Variants in ZFPM2 observed in about 807,000 individuals in gnomAD.
ZFPM2 encodes zinc finger protein, FOG family member 2.
Under a neutral mutation model 98.6 loss-of-function variants are expected in ZFPM2, and 20 were observed. That is an observed-to-expected ratio of 0.20 (90% CI 0.14 to 0.29). ZFPM2 has a LOEUF of 0.29. Ranked by LOEUF, ZFPM2 falls within the 10% of genes least tolerant of loss-of-function variation. The probability of loss-of-function intolerance (pLI) is 1.00; values close to 1 mark genes in which losing one functional copy is unlikely to be tolerated. For synonymous variants in ZFPM2, 518 were observed against 502.7 expected (o/e 1.03, Z -0.41); for missense variants, 1,310 against 1,388.6 (o/e 0.94, Z 0.90).
At chr8:105,541,635 C>T (rs1814576904) in intron 3 of ZFPM2, among the ~76,000 whole-genome samples, 1 of 152,124 alleles carries the variant, frequency 6.6e-6, no homozygotes, top group Non-Finnish European at 1.5e-5. Flanking sequence ...CATACCTACA[C>T]CAGCTAAATA....
At chr8:105,435,576 G>A (rs563347036) in intron 2 of ZFPM2, among the ~76,000 whole-genome samples, 153 of 151,846 alleles carry the variant, frequency 1.0e-3, no homozygotes, top group Non-Finnish European at 2.0e-3. Context: ...CAAACTTGTC[G>A]TTATTATCTT....
At chr8:105,500,894 G>A (rs1419698970) in intron 3 of ZFPM2, among the ~76,000 whole-genome samples, 1 of 152,030 alleles carries the variant, frequency 6.6e-6, no homozygotes, top group Non-Finnish European at 1.5e-5. Flanking sequence ...GACCATAAAG[G>A]TTATTGAAAT....
At chr8:105,457,881 C>A (rs996867036) in intron 3 of ZFPM2, among the ~76,000 whole-genome samples, 1 of 152,152 alleles carries the variant, frequency 6.6e-6, no homozygotes, top group African/African-American at 2.4e-5. Flanking sequence ...CAGTTTCCTG[C>A]AGGCAGAGAA....
chr8:105,401,122 T>A (rs560131861), intron 1 of ZFPM2, among the ~76,000 whole-genome samples: 1 of 152,162 alleles, frequency 6.6e-6, no homozygotes, highest in Admixed American at 6.5e-5. Context: ...TCTCATTAAG[T>A]TTTGTGATTT....
intron 5 of ZFPM2, among the ~76,000 whole-genome samples, chr8:105,775,187 C>T (rs1813073607): frequency 6.6e-6 from 1 of 151,280 alleles, no homozygotes; most frequent in South Asian, 2.1e-4. Context: ...CATCAGGATA[C>T]CGCAATGGAT....
At position 105,634,230 on chromosome 8, in the gene ZFPM2, A is replaced by T; in HGVS notation, c.421-16A>T. 1 of 1,598,138 alleles carries T rather than the reference A, an allele frequency of 6.3e-7. No homozygotes were observed. Among genetic ancestry groups the T allele is most frequent in the Non-Finnish European group, 8.6e-7 (1 of 1,169,218 alleles). Reference sequence around the variant, plus strand: ...CGGAAGCAAATGGCATCTGTTTGTTATCATTCTTTCTACAGAAGACAAAGG... The same window carrying T: ...CGGAAGCAAATGGCATCTGTTTGTTTTCATTCTTTCTACAGAAGACAAAGG... On this transcript the variant is annotated splice_polypyrimidine_tract_variant and intron_variant, in intron 4 of 7. Coordinates refer to ENST00000407775, the MANE Select transcript of ZFPM2 (RefSeq NM_012082.4).
chr8:105,484,385 T>C (rs1196307199), intron 3 of ZFPM2, among the ~76,000 whole-genome samples: 1 of 152,068 alleles, frequency 6.6e-6, no homozygotes, highest in Admixed American at 6.5e-5. Flanking sequence ...AATTTAAATA[T>C]ATTTATTTCT....
At chr8:105,693,975 C>CT (rs1181965747) in intron 5 of ZFPM2, among the ~76,000 whole-genome samples, 5 of 108,508 alleles carry the variant, frequency 4.6e-5, no homozygotes, top group South Asian at 3.6e-4. Context: ...TTCTTTTTTT[C>CT]TTTTCTTTTT....
intron 6 of ZFPM2, among the ~76,000 whole-genome samples, chr8:105,793,711 T>C (rs1813698366): frequency 6.6e-6 from 1 of 152,154 alleles, no homozygotes; most frequent in African/African-American, 2.4e-5. Context: ...TCCCCATCAC[T>C]TTCAGATACA....
At chr8:105,550,388 G>A (rs1166716142) in intron 3 of ZFPM2, among the ~76,000 whole-genome samples, 1 of 152,144 alleles carries the variant, frequency 6.6e-6, no homozygotes. Context: ...GAAACAAGCA[G>A]TGTGATAAAA....
chr8:105,724,747 TA>T (rs921334458), intron 5 of ZFPM2, among the ~76,000 whole-genome samples: 1 of 151,894 alleles, frequency 6.6e-6, no homozygotes, highest in African/African-American at 2.4e-5. Context: ...TAAGTTTTGA[TA>T]AATTTTAACT....
chr8:105,539,352 A>G (rs1482063776), intron 3 of ZFPM2, among the ~76,000 whole-genome samples: 1 of 152,184 alleles, frequency 6.6e-6, no homozygotes, highest in Non-Finnish European at 1.5e-5. Flanking sequence ...TGGGAAGATG[A>G]TGCATGAAAT....
At chr8:105,761,407 G>A (rs75996878) in intron 5 of ZFPM2, among the ~76,000 whole-genome samples, 7,426 of 151,996 alleles carry the variant, frequency 0.049, 281 homozygotes, top group East Asian at 0.11. Flanking sequence ...CTTATGTTTT[G>A]TGCTACCTAA....
intron 4 of ZFPM2, among the ~76,000 whole-genome samples, chr8:105,574,323 T>C (rs1183026205): frequency 6.6e-6 from 1 of 152,186 alleles, no homozygotes; most frequent in Non-Finnish European, 1.5e-5. Flanking sequence ...AAAACACATA[T>C]TTTTAGGAAG....
At chr8:105,614,654 G>A (rs1351196189) in intron 4 of ZFPM2, among the ~76,000 whole-genome samples, 3 of 151,998 alleles carry the variant, frequency 2.0e-5, no homozygotes, top group Non-Finnish European at 4.4e-5. Context: ...GCTGTTTGTC[G>A]AGTCTTATTG....
intron 6 of ZFPM2, among the ~76,000 whole-genome samples, chr8:105,796,133 G>A (rs886781471): frequency 1.3e-5 from 2 of 152,048 alleles, no homozygotes; most frequent in Non-Finnish European, 2.9e-5. Context: ...TAGTATTATT[G>A]GATTTCCTTA....
chr8:105,794,808 G>A lies in ZFPM2; in HGVS notation c.740-3916G>A, dbSNP rs573693745. Among the ~76,000 whole-genome samples the A allele has an allele frequency of 2.7e-3, 405 of 152,274 alleles. 2 individuals carry two copies. Among genetic ancestry groups the A allele is most frequent in the African/African-American group, 9.0e-3 (376 of 41,574 alleles). The stretch of plus-strand genomic sequence containing the variant: ...TGGCTGGCGCCCCTCCCCCAGCCTC[G>A]CTGCCGCCTTGCAGTTTGATCTCAG... On this transcript the variant is annotated intron_variant, in intron 6 of 7. Transcript: ENST00000407775.
chr8:105,634,377 CCT>C lies in ZFPM2; in HGVS notation c.532+27_532+28del, dbSNP rs778055787. 14 of 1,581,702 alleles carry C rather than the reference CCT, an allele frequency of 8.9e-6. No homozygotes were observed. In the African/African-American group the frequency reaches 1.3e-4, roughly 15 times the overall value. On this transcript the variant is annotated intron_variant, in intron 5 of 7. Coordinates refer to ENST00000407775, the MANE Select transcript of ZFPM2 (RefSeq NM_012082.4). ...GCAAAGGTAAATGCAAGATTGTTTCCCTCTCTCTTTGGAAGTATTAAAACCTG... is the reference window on the plus strand; with the variant it reads ...GCAAAGGTAAATGCAAGATTGTTTCCCTCTCTTTGGAAGTATTAAAACCTG...
At chr8:105,593,810 T>C (rs543650109) in intron 4 of ZFPM2, among the ~76,000 whole-genome samples, 3 of 151,216 alleles carry the variant, frequency 2.0e-5, no homozygotes, top group African/African-American at 7.2e-5. Context: ...AAAAAAATTG[T>C]GATTTTTCAA....
Sources: gnomAD v4.1 joint callset for allele counts (sites outside exome capture counted in the v4.1 genomes callset) on GRCh38, gnomAD v4.1.1 for gene constraint, MANE v1.5 for transcripts, NCBI Gene and HGNC (gene_info 2026-07-23, HGNC 2026-07-21) for gene names.